IGSF3: variants seen among roughly 807,000 people sequenced by gnomAD.
The protein encoded by IGSF3 is immunoglobulin superfamily member 3, also known as glu-Trp-Ile EWI motif-containing protein 3.
A neutral mutation model predicts 114.4 loss-of-function variants in IGSF3; 23 were observed. The ratio of observed to expected loss-of-function variants is 0.20; its 90% confidence interval spans 0.14 to 0.28. The LOEUF is 0.28. Among genes scored for constraint, IGSF3 ranks in the 10% least tolerant of loss-of-function variants. The pLI is 1.00. For missense variants in IGSF3, 1,172 were observed against 1,591.5 expected (o/e 0.74, Z 4.48); for synonymous variants, 571 against 645.2 (o/e 0.88, Z 1.74).
intron 2 of IGSF3, among the ~76,000 whole-genome samples, chr1:116,635,624 T>C (rs960209057): frequency 1.3e-5 from 2 of 152,212 alleles, no homozygotes; most frequent in African/African-American, 4.8e-5. Flanking sequence ...AGAAAAGGCT[T>C]AAGGCAGCTT....
Position 116,592,161 on chromosome 1 carries a change from T to G in IGSF3, c.2030-3057A>C, listed in dbSNP as rs964754204. Among the ~76,000 whole-genome samples the G allele has an allele frequency of 6.6e-6, 1 of 152,178 alleles. No homozygotes were observed. The highest frequency in any genetic ancestry group is 1.5e-5 in the Non-Finnish European group (1 of 68,034). ...CTCTCAGGCCCCACCCCAGACCCAG[T>G]AAGTCAGAATCTGCACTTTAACAAG... is the stretch of plus-strand genomic sequence containing the variant. On this transcript the variant is annotated intron_variant, in intron 7 of 10. Transcript: ENST00000369486. The surrounding 1 kb of genome is among the most constrained non-coding windows in gnomAD (Gnocchi z 4.5).
rs1179471018 is a variant in IGSF3, at chr1:116,624,157, T to C, written c.44-7700A>G. On this transcript the variant is annotated intron_variant, in intron 2 of 10. Transcript: ENST00000369486. The surrounding 1 kb of genome is among the most constrained non-coding windows in gnomAD (Gnocchi z 4.9). Reference sequence around the variant, plus strand: ...AGGCCGAGGCTGCCGTGAACAATGATTGTGCCACTGCACTCCAGCCTGGGT... The same window carrying C: ...AGGCCGAGGCTGCCGTGAACAATGACTGTGCCACTGCACTCCAGCCTGGGT... 6.6e-6 allele frequency among the ~76,000 whole-genome samples: 1 copy of C among 151,648 alleles called. No homozygotes were observed. Among genetic ancestry groups the C allele is most frequent in the Non-Finnish European group, 1.5e-5 (1 of 67,918 alleles).
At chr1:116,611,157 T>C (rs1661004585) in intron 4 of IGSF3, among the ~76,000 whole-genome samples, 1 of 152,238 alleles carries the variant, frequency 6.6e-6, no homozygotes, top group African/African-American at 2.4e-5. Context: ...AACCTCCAGG[T>C]GGCCTCCATG....
intron 7 of IGSF3, among the ~76,000 whole-genome samples, chr1:116,599,183 C>A (rs1341457670): frequency 6.6e-6 from 1 of 152,082 alleles, no homozygotes; most frequent in African/African-American, 2.4e-5. Flanking sequence ...TGACCTTCAG[C>A]GCCTCATGCA....
intron 2 of IGSF3, chr1:116,617,443 T>G: frequency 3.2e-5 from 26 of 815,950 alleles, no homozygotes; most frequent in Non-Finnish European, 3.7e-5. Context: ...CGCAGGTGAG[T>G]TACAGGCGCA....
Position 116,662,993 on chromosome 1 carries a change from C to T in IGSF3, c.43+3291G>A, listed in dbSNP as rs1405553706. On this transcript the variant is annotated intron_variant, in intron 2 of 10. Coordinates refer to ENST00000369486, the MANE Select transcript of IGSF3 (RefSeq NM_001007237.3). The surrounding 1 kb of genome is among the most constrained non-coding windows in gnomAD (Gnocchi z 4.3). The stretch of plus-strand genomic sequence containing the variant: ...TACCGTATTCAAAGAAGAGACTTCC[C>T]AAACTCTACAAATGAACTTCTCTCC... 2.0e-5 allele frequency among the ~76,000 whole-genome samples: 3 copies of T among 152,204 alleles called. No individual in the cohort carries two copies. Among genetic ancestry groups the T allele is most frequent in the African/African-American group, 7.2e-5 (3 of 41,456 alleles).
chr1:116,630,118 G>A (rs1000052371), intron 2 of IGSF3, among the ~76,000 whole-genome samples: 1 of 152,230 alleles, frequency 6.6e-6, no homozygotes, highest in African/African-American at 2.4e-5. Flanking sequence ...GAGGGAATGG[G>A]ATTTGGAACA....
In IGSF3 at chr1:116,636,647, C is replaced by G. The variant is rs1485998871; in HGVS notation, c.44-20190G>C. On this transcript the variant is annotated intron_variant, in intron 2 of 10. Transcript: ENST00000369486. The surrounding 1 kb of genome is among the most constrained non-coding windows in gnomAD (Gnocchi z 4.5). ...TACACCAGGAGCGAGGCCTGAAAAG[C>G]TGCATGACTCACCCAAGGTCACGAG... 1.2e-4 allele frequency among the ~76,000 whole-genome samples: 18 copies of G among 152,142 alleles called. No homozygotes were observed. The highest frequency in any genetic ancestry group is 1.9e-4 in the Non-Finnish European group (13 of 68,036).
At position 116,610,338 on chromosome 1, in the gene IGSF3, G is replaced by A. The variant is rs199984525; in HGVS notation, c.833-2007C>T. On this transcript the variant is annotated intron_variant, in intron 4 of 10. Transcript: ENST00000369486. The surrounding 1 kb of genome is among the most constrained non-coding windows in gnomAD (Gnocchi z 4.3). ...GCTGTAACTCTGGCTTTCTTCTTTCGGCGGCCAAAGACTCTTCTCATCTCA... is the reference window on the plus strand; with the variant it reads ...GCTGTAACTCTGGCTTTCTTCTTTCAGCGGCCAAAGACTCTTCTCATCTCA... Among the ~76,000 whole-genome samples, 1 of 152,034 alleles carries A rather than the reference G, an allele frequency of 6.6e-6. No individual in the cohort carries two copies.
Position 116,606,467 on chromosome 1 carries a change from T to C in IGSF3, c.1222+1475A>G, listed in dbSNP as rs1305602845. 7 of 1,612,456 alleles carry C rather than the reference T, an allele frequency of 4.3e-6. No homozygotes were observed. The African/African-American group carries it at 9.3e-5, about 22-fold the overall frequency. The stretch of plus-strand genomic sequence containing the variant: ...GCATTGTCACCATTACCGATGTGAT[T>C]GTTGTTGTTCTTCGGCAGACTTACC... On this transcript the variant is annotated intron_variant, in intron 5 of 10. Transcript: ENST00000369486.
Position 116,664,439 on chromosome 1 carries a change from A to G in IGSF3, c.43+1845T>C, listed in dbSNP as rs1649244265. Among the ~76,000 whole-genome samples, 1 of 152,058 alleles carries G rather than the reference A, an allele frequency of 6.6e-6. No homozygotes were observed. The highest frequency in any genetic ancestry group is 6.5e-5 in the Admixed American group (1 of 15,270). Reference sequence around the variant, plus strand: ...AAGAAACAAAAGGCACAAATGTCACATTGCCTTGTTTTCCCATTGATGGTT... The same window carrying G: ...AAGAAACAAAAGGCACAAATGTCACGTTGCCTTGTTTTCCCATTGATGGTT... On this transcript the variant is annotated intron_variant, in intron 2 of 10. Transcript: ENST00000369486. The surrounding 1 kb of genome is among the most constrained non-coding windows in gnomAD (Gnocchi z 4.6).
Position 116,575,236 on chromosome 1 carries a change from T to C in IGSF3, c.*2076A>G, listed in dbSNP as rs771102086. ...AGAAATGGGGCAAAAGACCTTCTTT[T>C]TTCATGACTGAGCCGCTCCTGTACC... is the stretch of plus-strand genomic sequence containing the variant. On this transcript the variant is annotated 3_prime_UTR_variant, in exon 11 of 11. Coordinates refer to ENST00000369486, the MANE Select transcript of IGSF3 (RefSeq NM_001007237.3). This position sits in a 1 kb window ranked among gnomAD's most constrained non-coding sequence, Gnocchi z 5.6. 4 of 152,642 alleles carry C rather than the reference T, an allele frequency of 2.6e-5. No individual in the cohort carries two copies. The highest frequency in any genetic ancestry group is 4.4e-5 in the Non-Finnish European group (3 of 68,044). 9.5% of individuals were successfully genotyped at this position (152,642 alleles called of 1,614,324 possible).
intron 7 of IGSF3, among the ~76,000 whole-genome samples, chr1:116,597,092 C>T (rs199850450): frequency 1.9e-4 from 29 of 152,338 alleles, no homozygotes; most frequent in African/African-American, 7.0e-4. Context: ...CGCAATTACT[C>T]TTTAACAAGG....
Position 116,603,602 on chromosome 1 carries a change from G to A in IGSF3, c.1624+22C>T, listed in dbSNP as rs376600667. 3.3e-5 allele frequency: 53 copies of A among 1,604,984 alleles called. No individual in the cohort carries two copies. The highest frequency in any genetic ancestry group is 4.1e-5 in the Non-Finnish European group (48 of 1,174,214). On this transcript the variant is annotated intron_variant, in intron 6 of 10. Coordinates refer to ENST00000369486, the MANE Select transcript of IGSF3 (RefSeq NM_001007237.3). The surrounding 1 kb of genome is among the most constrained non-coding windows in gnomAD (Gnocchi z 7.1). The stretch of plus-strand genomic sequence containing the variant: ...AAGCTGTCTCCATGCCAGACCCACT[G>A]CCAGTCCCACCGCTCACTCACCAAG...
At position 116,576,684 on chromosome 1, in the gene IGSF3, T is replaced by C. The variant is rs1659356171; in HGVS notation, c.*628A>G. 3.3e-5 allele frequency: 5 copies of C among 152,956 alleles called. No homozygotes were observed. Among genetic ancestry groups the C allele is most frequent in the Admixed American group, 3.3e-4 (5 of 15,304 alleles). The allele number at this position is 152,956 out of a possible 1,614,324, so 9.5% of individuals were successfully genotyped here. ...TTCTTTGAAGCAAAATTCAGTGCTT[T>C]CGTCTTGACTACAAAGTGGTTCCAA... is the stretch of plus-strand genomic sequence containing the variant. On this transcript the variant is annotated 3_prime_UTR_variant, in exon 11 of 11. Coordinates refer to ENST00000369486, the MANE Select transcript of IGSF3 (RefSeq NM_001007237.3). This position sits in a 1 kb window ranked among gnomAD's most constrained non-coding sequence, Gnocchi z 4.6.
chr1:116,584,891 C>T lies in IGSF3; in HGVS notation c.2602G>A (p.Ala868Thr). Residue 868 changes from alanine to threonine, a missense_variant, in exon 9 of 11, where the codon GCC (alanine) becomes ACC (threonine). This residue lies in a region of IGSF3 where 423 missense variants were observed against 509.8 expected (regional missense o/e 0.83). Transcript: ENST00000369486. The surrounding 1 kb of genome is among the most constrained non-coding windows in gnomAD (Gnocchi z 5.8). ...AAGGTGGCGTCACGGCTCAAGCGGG[C>T]CACAGTCTCCCGCTCAGGGTGGTTG... ...KPNHPERETV[A>T]RLSRDATFHY... is the part of the protein sequence containing the mutation. 2 of 1,614,198 alleles carry T rather than the reference C, an allele frequency of 1.2e-6. No homozygotes were observed. Among genetic ancestry groups the T allele is most frequent in the Non-Finnish European group, 1.7e-6 (2 of 1,180,016 alleles).
chr1:116,581,134 G>A (rs1659584068), intron 9 of IGSF3, among the ~76,000 whole-genome samples: 3 of 152,036 alleles, frequency 2.0e-5, no homozygotes. Context: ...TCTCTCCAAG[G>A]ATTAAAGCCA....
In IGSF3 at chr1:116,615,901, C is replaced by T. The variant is rs1341576878; in HGVS notation, c.421+179G>A. Reference sequence around the variant, plus strand: ...CTTTTTAAAGTTTCACCCTCAACCACCTATTATTTAGAAGTGAACACAGAA... The same window carrying T: ...CTTTTTAAAGTTTCACCCTCAACCATCTATTATTTAGAAGTGAACACAGAA... On this transcript the variant is annotated intron_variant, in intron 3 of 10. Transcript: ENST00000369486. This position sits in a 1 kb window ranked among gnomAD's most constrained non-coding sequence, Gnocchi z 4.3. Among the ~76,000 whole-genome samples the T allele has an allele frequency of 1.3e-5, 2 of 152,210 alleles. No homozygotes were observed. The highest frequency in any genetic ancestry group is 2.4e-5 in the African/African-American group (1 of 41,434).
Position 116,657,717 on chromosome 1 carries a change from A to G in IGSF3, c.43+8567T>C, listed in dbSNP as rs1557888030. Among the ~76,000 whole-genome samples, 1 of 152,224 alleles carries G rather than the reference A, an allele frequency of 6.6e-6. No homozygotes were observed. The highest frequency in any genetic ancestry group is 2.4e-5 in the African/African-American group (1 of 41,458). ...CACCAGCGATGCCACAGGTGTACCC[A>G]GTGCCCTGCCGAGAGCAGAGACAGT... On this transcript the variant is annotated intron_variant, in intron 2 of 10. Transcript: ENST00000369486. This position sits in a 1 kb window ranked among gnomAD's most constrained non-coding sequence, Gnocchi z 4.2.
Sources: gnomAD v4.1 joint callset for allele counts (sites outside exome capture counted in the v4.1 genomes callset) on GRCh38, gnomAD v4.1.1 for gene constraint, gnomAD v4.1.1 regional missense constraint, Gnocchi (gnomAD v3.1) non-coding constraint, MANE v1.5 for transcripts, NCBI Gene and HGNC (gene_info 2026-07-23, HGNC 2026-07-21) for gene names.